CHRM3: variants seen among roughly 807,000 people sequenced by gnomAD.
CHRM3 encodes muscarinic acetylcholine receptor M3.
Under a neutral mutation model 41.8 loss-of-function variants are expected in CHRM3, and 11 were observed. The ratio of observed to expected loss-of-function variants is 0.26; its 90% CI spans 0.17 to 0.44. CHRM3 has a LOEUF of 0.44. Ranked by LOEUF, CHRM3 falls within the 20% of genes least tolerant of loss-of-function variation. The pLI, the probability that CHRM3 is intolerant of heterozygous loss-of-function variation, is 1.00. For missense variants in CHRM3, 571 were observed against 745.4 expected, an observed-to-expected ratio of 0.77 and a Z score of 2.72; for synonymous variants, 297 against 301.4, an observed-to-expected ratio of 0.99 and a Z score of 0.15.
In CHRM3 at chr1:239,908,667, G is replaced by T. The variant is rs201696651; in HGVS notation, c.1216G>T (p.Asp406Tyr). 1 of 1,612,754 alleles carries T rather than the reference G, an allele frequency of 6.2e-7. No homozygotes were observed. ...GATGGTGGACTTGGAGAGGAAAGCC[G>T]ACAAGCTGCAGGCCCAGAAGAGCGT... ...LGMVDLERKA[D>Y]KLQAQKSVDD... The change falls in exon 7 of 7, where the codon GAC (aspartate) becomes TAC (tyrosine). Residue 406 changes from aspartate (D) to tyrosine (Y), a missense_variant. Asp to Tyr is a radical substitution (Grantham distance 160, BLOSUM62 -3). Transcript: ENST00000676153. This position sits in a 1 kb window ranked among gnomAD's most constrained non-coding sequence, Gnocchi z 7.2.
At chr1:239,517,181 T>C (rs2148238513) in intron 2 of CHRM3, among the ~76,000 whole-genome samples, 1 of 152,294 alleles carries the variant, frequency 6.6e-6, no homozygotes, top group Admixed American at 6.5e-5. Context: ...CCCAAAAGTT[T>C]GGAGGCCACT....
chr1:239,789,342 T>C (rs1337805592), intron 5 of CHRM3, among the ~76,000 whole-genome samples: 1 of 152,140 alleles, frequency 6.6e-6, no homozygotes, highest in African/African-American at 2.4e-5. Context: ...GAACAATAAA[T>C]AAGCAATATG....
intron 3 of CHRM3, among the ~76,000 whole-genome samples, chr1:239,580,431 C>T (rs1454716397): frequency 6.6e-6 from 1 of 151,918 alleles, no homozygotes; most frequent in East Asian, 1.9e-4. Context: ...GCTATTCACA[C>T]ATTTCAACTA....
intron 3 of CHRM3, among the ~76,000 whole-genome samples, chr1:239,622,887 T>A (rs761895292): frequency 7.2e-5 from 11 of 152,180 alleles, no homozygotes; most frequent in Non-Finnish European, 1.3e-4. Context: ...GAGGATGTGA[T>A]GTATAGCATC....
chr1:239,706,054 T>C, intron 5 of CHRM3, among the ~76,000 whole-genome samples: 1 of 149,666 alleles, frequency 6.7e-6, no homozygotes, highest in Admixed American at 6.7e-5. Context: ...AAATTGTTTT[T>C]TATAAATTAT....
intron 2 of CHRM3, among the ~76,000 whole-genome samples, chr1:239,530,705 C>T (rs1414924971): frequency 1.3e-5 from 2 of 151,982 alleles, no homozygotes; most frequent in Non-Finnish European, 2.9e-5. Flanking sequence ...AAAATGAAAA[C>T]TTAGAGAGGA....
chr1:239,455,356 CTT>C (rs548892634), intron 1 of CHRM3, among the ~76,000 whole-genome samples: 1 of 145,910 alleles, frequency 6.9e-6, no homozygotes, highest in African/African-American at 2.5e-5. Flanking sequence ...CAGCCTTCTA[CTT>C]TTTTTTTTTT....
chr1:239,867,032 A>G (rs1676170722), intron 6 of CHRM3, among the ~76,000 whole-genome samples: 1 of 152,212 alleles, frequency 6.6e-6, no homozygotes, highest in African/African-American at 2.4e-5. Context: ...CTGACTCTTC[A>G]GGGGCACCGG....
At chr1:239,859,819 T>TTATGTATATATA (rs1553286826) in intron 6 of CHRM3, among the ~76,000 whole-genome samples, 1 of 131,424 alleles carries the variant, frequency 7.6e-6, no homozygotes, top group Non-Finnish European at 1.6e-5. Flanking sequence ...TCTAAGTGTT[T>TTATGTATATATA]TATATATATA....
At chr1:239,520,429 A>G (rs1465832530) in intron 2 of CHRM3, among the ~76,000 whole-genome samples, 1 of 151,896 alleles carries the variant, frequency 6.6e-6, no homozygotes, top group Non-Finnish European at 1.5e-5. Flanking sequence ...TTCTTATGAG[A>G]CCTGGCTGTT....
chr1:239,592,627 T>C (rs1331549882), intron 3 of CHRM3, among the ~76,000 whole-genome samples: 1 of 152,200 alleles, frequency 6.6e-6, no homozygotes, highest in Admixed American at 6.5e-5. Context: ...CATATATCAG[T>C]ACTTCATTTT....
chr1:239,541,171 A>G (rs1239192472), intron 2 of CHRM3, among the ~76,000 whole-genome samples: 1 of 139,424 alleles, frequency 7.2e-6, no homozygotes, highest in East Asian at 2.1e-4. Flanking sequence ...TCAGGTGAGC[A>G]AGAACCTATC....
At position 239,503,211 on chromosome 1, in the gene CHRM3, G is replaced by C. The variant is rs573835408; in HGVS notation, c.-422+10404G>C. On this transcript the variant is annotated intron_variant, in intron 2 of 6. Transcript: ENST00000676153. ...AGAACGGATAAAAGAACTTGGCAAA[G>C]TTTCTGAATACAAGATTAATGTACA... Among the ~76,000 whole-genome samples, 6 of 152,232 alleles carry C rather than the reference G, an allele frequency of 3.9e-5. No individual in the cohort carries two copies. The East Asian group carries it at 1.2e-3, about 29-fold the overall frequency.
intron 6 of CHRM3, among the ~76,000 whole-genome samples, chr1:239,905,187 G>A (rs1005485240): frequency 5.3e-5 from 8 of 152,140 alleles, no homozygotes; most frequent in Non-Finnish European, 1.0e-4. Context: ...TTAAGGAGGC[G>A]TGTGATGATT....
At chr1:239,738,184 T>C (rs1453096527) in intron 5 of CHRM3, among the ~76,000 whole-genome samples, 1 of 152,232 alleles carries the variant, frequency 6.6e-6, no homozygotes, top group Non-Finnish European at 1.5e-5. Flanking sequence ...CTAAATTTTC[T>C]CTAATGGTAC....
At chr1:239,469,386 C>G (rs1665951758) in intron 1 of CHRM3, among the ~76,000 whole-genome samples, 1 of 152,188 alleles carries the variant, frequency 6.6e-6, no homozygotes, top group Non-Finnish European at 1.5e-5. Context: ...TCTGAATCAT[C>G]TTGGTATCCT....
intron 3 of CHRM3, among the ~76,000 whole-genome samples, chr1:239,583,755 G>T (rs1223921801): frequency 2.6e-5 from 4 of 152,078 alleles, no homozygotes; most frequent in Admixed American, 2.6e-4. Context: ...AAAGGACTTT[G>T]TTTTATTTTT....
chr1:239,738,855 C>G (rs1664608563), intron 5 of CHRM3, among the ~76,000 whole-genome samples: 3 of 152,166 alleles, frequency 2.0e-5, no homozygotes, highest in Admixed American at 1.3e-4. Context: ...CCTCTCCATG[C>G]ATGGTCCTGG....
At chr1:239,466,685 A>G (rs1221069721) in intron 1 of CHRM3, among the ~76,000 whole-genome samples, 1 of 152,038 alleles carries the variant, frequency 6.6e-6, no homozygotes, top group African/African-American at 2.4e-5. Flanking sequence ...GCTGGTCTCA[A>G]ACTCTGGGCC....
Sources: allele counts gnomAD v4.1 joint callset (sites outside exome capture counted in the v4.1 genomes callset), GRCh38; gene constraint gnomAD v4.1.1; non-coding constraint Gnocchi (gnomAD v3.1); transcripts MANE v1.5; gene names NCBI Gene and HGNC (gene_info 2026-07-23, HGNC 2026-07-21).